MAP3K20: variants seen among roughly 807,000 people sequenced by gnomAD.
MAP3K20 encodes HCCS-4.
A neutral mutation model predicts 85.7 loss-of-function variants in MAP3K20; 40 were observed. That is an observed-to-expected ratio of 0.47 (90% confidence interval 0.36 to 0.61). The LOEUF is 0.61. Ranked by LOEUF, MAP3K20 falls within the 20% of genes least tolerant of loss-of-function variation. MAP3K20 has a pLI of 0.00. For synonymous variants in MAP3K20, 325 were observed against 327.7 expected (o/e 0.99, Z 0.09); for missense variants, 817 against 961.7 (o/e 0.85, Z 1.99).
intron 2 of MAP3K20, among the ~76,000 whole-genome samples, chr2:173,131,359 A>G (rs1168425648): frequency 6.6e-6 from 1 of 152,244 alleles, no homozygotes; most frequent in Non-Finnish European, 1.5e-5. Flanking sequence ...TCTTCAGGAC[A>G]TGTTGCCATG....
At chr2:173,258,894 T>G in intron 17 of MAP3K20, 79 bp downstream of exon 17, 1 of 904,602 alleles carries the variant, frequency 1.1e-6, no homozygotes, top group Non-Finnish European at 1.8e-6. Context: ...CCCAGCAGTG[T>G]GCTTTTGTGC....
intron 2 of MAP3K20, among the ~76,000 whole-genome samples, chr2:173,103,561 T>C (rs1687696290): frequency 1.3e-5 from 2 of 152,228 alleles, no homozygotes; most frequent in South Asian, 2.1e-4. Context: ...CCTCTGTATC[T>C]CTGAAATCTC....
chr2:173,238,555 C>T, intron 15 of MAP3K20, 120 bp downstream of exon 15: 1 of 897,660 alleles, frequency 1.1e-6, no homozygotes, highest in Non-Finnish European at 1.7e-6. Context: ...TTCATCATAT[C>T]TGTCTAACAA....
intron 2 of MAP3K20, among the ~76,000 whole-genome samples, chr2:173,134,413 TATATATA>T (rs1688727277): frequency 2.3e-4 from 3 of 12,854 alleles, no homozygotes; most frequent in Non-Finnish European, 3.9e-4. Flanking sequence ...TATATATATA[TATATATA>T]TATATATATT....
intron 16 of MAP3K20, among the ~76,000 whole-genome samples, chr2:173,258,191 G>A (rs970469049): frequency 6.6e-6 from 1 of 151,962 alleles, no homozygotes; most frequent in African/African-American, 2.4e-5. Context: ...TTGCACTGTT[G>A]TTTTCTTTCG....
chr2:173,133,282 G>A (rs1179068562), intron 2 of MAP3K20, among the ~76,000 whole-genome samples: 1 of 152,156 alleles, frequency 6.6e-6, no homozygotes, highest in Non-Finnish European at 1.5e-5. Context: ...AGCAGATTGG[G>A]TAACACGTAG....
intron 2 of MAP3K20, among the ~76,000 whole-genome samples, chr2:173,145,867 GA>G (rs1478032661): frequency 6.6e-6 from 1 of 151,962 alleles, no homozygotes; most frequent in Non-Finnish European, 1.5e-5. Context: ...ATATTAACAG[GA>G]AAATAGATAA....
chr2:173,130,351 A>G (rs1688576070), intron 2 of MAP3K20, among the ~76,000 whole-genome samples: 1 of 152,192 alleles, frequency 6.6e-6, no homozygotes, highest in Non-Finnish European at 1.5e-5. Context: ...GACAATATAG[A>G]TTTGCTTAAT....
At chr2:173,222,806 T>C (rs555258193) in intron 11 of MAP3K20, 1 of 985,418 alleles carries the variant, frequency 1.0e-6, no homozygotes, top group Non-Finnish European at 1.2e-6. Context: ...ATACAGGCAC[T>C]GCTCTGAAAA....
chr2:173,127,916 G>C (rs548112478), intron 2 of MAP3K20, among the ~76,000 whole-genome samples: 1 of 152,186 alleles, frequency 6.6e-6, no homozygotes, highest in Non-Finnish European at 1.5e-5. Context: ...CAGGTGAAGA[G>C]ATGGAGAGAA....
intron 2 of MAP3K20, among the ~76,000 whole-genome samples, chr2:173,091,688 G>A (rs946396473): frequency 5.9e-5 from 9 of 152,208 alleles, no homozygotes; most frequent in Admixed American, 5.9e-4. Context: ...AAGGCTAACA[G>A]TGATGGTCTT....
intron 2 of MAP3K20, among the ~76,000 whole-genome samples, chr2:173,125,398 A>G (rs1458837980): frequency 6.6e-6 from 1 of 152,240 alleles, no homozygotes; most frequent in Non-Finnish European, 1.5e-5. Context: ...TCATCACAGC[A>G]AAATAAGGAT....
At chr2:173,110,899 A>G (rs1209385390) in intron 2 of MAP3K20, among the ~76,000 whole-genome samples, 5 of 152,196 alleles carry the variant, frequency 3.3e-5, no homozygotes, top group Non-Finnish European at 5.9e-5. Flanking sequence ...ATGCGTGTGT[A>G]AGTATCTTTT....
At chr2:173,163,966 T>C (rs1317648461) in intron 2 of MAP3K20, among the ~76,000 whole-genome samples, 2 of 152,200 alleles carry the variant, frequency 1.3e-5, no homozygotes, top group African/African-American at 2.4e-5. Flanking sequence ...TCTTGACTTT[T>C]TTTTTTTTTT....
intron 3 of MAP3K20, among the ~76,000 whole-genome samples, chr2:173,177,439 A>G (rs955288071): frequency 3.9e-5 from 5 of 127,138 alleles, no homozygotes; most frequent in Admixed American, 8.9e-5. Context: ...AGAAATCACA[A>G]TAGATTTTTT....
At chr2:173,221,185 G>C in intron 11 of MAP3K20, 2 of 1,568,888 alleles carry the variant, frequency 1.3e-6, no homozygotes, top group Non-Finnish European at 1.7e-6. Context: ...TGTCTGAGGA[G>C]TCTTACTTTG....
In MAP3K20 at chr2:173,266,783, T is replaced by TTAAAA; in HGVS notation, c.*33_*34insTAAAA. On this transcript the variant is annotated 3_prime_UTR_variant, in exon 20 of 20. Coordinates refer to ENST00000375213, the MANE Select transcript of MAP3K20 (RefSeq NM_016653.3). ...AACTACATAGCTTTTCTAAGCAGGT[T>TTAAAA]AAAAAAAAAAAAAAAAAGAAATGTA... 1 of 1,030,206 alleles carries TTAAAA rather than the reference T, an allele frequency of 9.7e-7. No homozygotes were observed. Among genetic ancestry groups the TTAAAA allele is most frequent in the Non-Finnish European group, 1.3e-6 (1 of 779,880 alleles). 63.8% of individuals were successfully genotyped at this position (1,030,206 alleles called of 1,614,324 possible).
At chr2:173,128,369 G>A (rs1688508785) in intron 2 of MAP3K20, among the ~76,000 whole-genome samples, 1 of 151,628 alleles carries the variant, frequency 6.6e-6, no homozygotes, top group South Asian at 2.1e-4. Flanking sequence ...GTCTCGCTCT[G>A]TTGCTCAGGC....
intron 2 of MAP3K20, among the ~76,000 whole-genome samples, chr2:173,105,257 G>A (rs1406634800): frequency 6.6e-6 from 1 of 152,190 alleles, no homozygotes; most frequent in Non-Finnish European, 1.5e-5. Context: ...TAGGAAGGTT[G>A]CAGTGGAGGC....
Sources: allele counts gnomAD v4.1 joint callset (sites outside exome capture counted in the v4.1 genomes callset), GRCh38; gene constraint gnomAD v4.1.1; transcripts MANE v1.5; gene names NCBI Gene and HGNC (gene_info 2026-07-23, HGNC 2026-07-21).